Variants in JARID2 observed in about 807,000 individuals in gnomAD.
JARID2 encodes the protein jumonji and AT-rich interaction domain containing 2, also known as protein Jumonji.
In JARID2, 21 loss-of-function variants were observed where a neutral mutation model predicts 125.6. The observed-to-expected ratio is 0.17, with a 90% CI of 0.12 to 0.24. The LOEUF (loss-of-function observed/expected upper bound fraction) is 0.24. Ranked by LOEUF, JARID2 falls within the 10% of genes least tolerant of loss-of-function variation. The pLI is 1.00. For synonymous variants in JARID2, 736 were observed against 661.6 expected, an observed-to-expected ratio of 1.11 and a Z score of -1.73; for missense variants, 1,303 against 1,639.6, an observed-to-expected ratio of 0.79 and a Z score of 3.55.
In JARID2 at chr6:15,469,284, GTCTCTGTCTCTCTGTCTCTGTCTCTCTC is replaced by G. The variant is rs1561884330; in HGVS notation, c.670+580_670+607del. On this transcript the variant is annotated intron_variant, in intron 5 of 17. Coordinates refer to ENST00000341776, the MANE Select transcript of JARID2 (RefSeq NM_004973.4). Reference sequence around the variant, plus strand: ...TTTCTCTCTGTCTCTCTGTCTCTCTGTCTCTGTCTCTCTGTCTCTGTCTCTCTCTCTCTGTCTCTCTCTCTCTCTCTCC... The same window carrying G: ...TTTCTCTCTGTCTCTCTGTCTCTCTGTCTCTGTCTCTCTCTCTCTCTCTCC... 1.6e-4 allele frequency among the ~76,000 whole-genome samples: 12 copies of G among 74,956 alleles called. 1 individual carries two copies. Among genetic ancestry groups the G allele is most frequent in the South Asian group, 5.3e-4 (1 of 1,890 alleles). The allele number at this position is 74,956 out of a possible 152,430, so 49.2% of individuals were successfully genotyped here.
At chr6:15,478,327 C>T (rs923305464) in intron 5 of JARID2, among the ~76,000 whole-genome samples, 9 of 152,068 alleles carry the variant, frequency 5.9e-5, no homozygotes, top group African/African-American at 1.7e-4. Flanking sequence ...ATACCTGACT[C>T]GCAATGCTGC....
At chr6:15,512,166 G>A (rs569271678) in intron 13 of JARID2, 42 bp from the exon 14 acceptor site, 1 of 1,588,710 alleles carries the variant, frequency 6.3e-7, no homozygotes, top group South Asian at 1.1e-5. Context: ...AGGTGTCCCT[G>A]CGCACAGGGA....
intron 2 of JARID2, among the ~76,000 whole-genome samples, chr6:15,390,420 C>T (rs572037780): frequency 5.3e-5 from 8 of 152,264 alleles, no homozygotes; most frequent in South Asian, 2.1e-4. Flanking sequence ...GCTCTGTCCA[C>T]GTTGTGCAGC....
At chr6:15,350,186 G>A (rs1322202501) in intron 1 of JARID2, among the ~76,000 whole-genome samples, 1 of 152,164 alleles carries the variant, frequency 6.6e-6, no homozygotes, top group Non-Finnish European at 1.5e-5. Flanking sequence ...GCATACATCA[G>A]TAACGTCACA....
At chr6:15,493,977 C>CT (rs1278306828) in intron 6 of JARID2, among the ~76,000 whole-genome samples, 1 of 152,076 alleles carries the variant, frequency 6.6e-6, no homozygotes, top group Non-Finnish European at 1.5e-5. Context: ...GTCAGTCCCA[C>CT]TTTTTTTATG....
chr6:15,318,925 G>A (rs1200835595), intron 1 of JARID2, among the ~76,000 whole-genome samples: 1 of 152,208 alleles, frequency 6.6e-6, no homozygotes, highest in Non-Finnish European at 1.5e-5. Flanking sequence ...AATCCCAGTG[G>A]CAAAGAGCTC....
intron 4 of JARID2, among the ~76,000 whole-genome samples, chr6:15,465,913 C>T (rs578221456): frequency 6.6e-6 from 1 of 152,112 alleles, no homozygotes; most frequent in Non-Finnish European, 1.5e-5. Flanking sequence ...AAGTGATTCT[C>T]CTGTCTCAGC....
chr6:15,418,157 T>G (rs1766320106), intron 3 of JARID2, among the ~76,000 whole-genome samples: 1 of 151,836 alleles, frequency 6.6e-6, no homozygotes, highest in Non-Finnish European at 1.5e-5. Context: ...TGCTTCACCT[T>G]AGGGAGAGAC....
chr6:15,310,970 G>T (rs1399636852), intron 1 of JARID2, among the ~76,000 whole-genome samples: 2 of 152,154 alleles, frequency 1.3e-5, no homozygotes, highest in African/African-American at 4.8e-5. Flanking sequence ...CCCTGTGTGG[G>T]AATGGGAACC....
At chr6:15,470,467 G>A (rs1322121713) in intron 5 of JARID2, among the ~76,000 whole-genome samples, 1 of 152,234 alleles carries the variant, frequency 6.6e-6, no homozygotes, top group East Asian at 1.9e-4. Flanking sequence ...CTCAGGACAA[G>A]CATAGCTTAG....
At chr6:15,357,440 G>A (rs1373878738) in intron 1 of JARID2, among the ~76,000 whole-genome samples, 5 of 152,156 alleles carry the variant, frequency 3.3e-5, no homozygotes, top group Admixed American at 6.5e-5. Flanking sequence ...AACATTACAT[G>A]TCAGTGAACA....
chr6:15,469,360 T>TCC (rs1254478858), intron 5 of JARID2, among the ~76,000 whole-genome samples: 27 of 7,680 alleles, frequency 3.5e-3, no homozygotes, highest in Non-Finnish European at 6.1e-3. Flanking sequence ...TCTCTCTCTC[T>TCC]CCTCCCCTTC....
At chr6:15,510,571 C>T (rs1436527986) in intron 12 of JARID2, among the ~76,000 whole-genome samples, 1 of 152,240 alleles carries the variant, frequency 6.6e-6, no homozygotes, top group Non-Finnish European at 1.5e-5. Context: ...CCACCACTTC[C>T]CCAGGCCACC....
intron 1 of JARID2, among the ~76,000 whole-genome samples, chr6:15,346,790 C>T (rs952880803): frequency 3.3e-5 from 5 of 151,312 alleles, no homozygotes; most frequent in Admixed American, 6.6e-5. Flanking sequence ...GTCTGGAGCG[C>T]AGTGGTGTGA....
chr6:15,258,847 G>T (rs189423236), intron 1 of JARID2, among the ~76,000 whole-genome samples: 6 of 152,346 alleles, frequency 3.9e-5, no homozygotes, highest in Admixed American at 2.6e-4. Context: ...AAGTCTTACA[G>T]ATTCTTGTGG....
At chr6:15,246,665 C>T in intron 1 of JARID2, 81 bp downstream of exon 1, 1 of 1,252,026 alleles carries the variant, frequency 8.0e-7, no homozygotes, top group Non-Finnish European at 1.2e-6. Flanking sequence ...ATAATTCTGC[C>T]TCTGAAGGGT....
intron 2 of JARID2, among the ~76,000 whole-genome samples, chr6:15,378,296 T>G (rs534045024): frequency 6.6e-6 from 1 of 151,650 alleles, no homozygotes; most frequent in African/African-American, 2.4e-5. Flanking sequence ...GTCACAGAAA[T>G]TTGTCTGGTG....
chr6:15,451,450 T>C (rs1041707099), intron 3 of JARID2, among the ~76,000 whole-genome samples: 1 of 152,204 alleles, frequency 6.6e-6, no homozygotes, highest in African/African-American at 2.4e-5. Flanking sequence ...TTTTCTGTAG[T>C]ACAAACTTGA....
chr6:15,520,307 A>G lies in JARID2; in HGVS notation c.*56A>G. 2 of 1,321,022 alleles carry G rather than the reference A, an allele frequency of 1.5e-6. No homozygotes were observed. The highest frequency in any genetic ancestry group is 2.0e-6 in the Non-Finnish European group (2 of 984,134). The allele number at this position is 1,321,022 out of a possible 1,614,324, so 81.8% of individuals were successfully genotyped here. A position where few individuals can be genotyped will look rare whatever the true frequency, so the allele number is the denominator to read the frequency against. On this transcript the variant is annotated 3_prime_UTR_variant, in exon 18 of 18. Transcript: ENST00000341776. Reference sequence around the variant, plus strand: ...TATTTTTTTGTAATTATTATATTCTAGTTTGGAGTACTTGCTGTAGGATTC... The same window carrying G: ...TATTTTTTTGTAATTATTATATTCTGGTTTGGAGTACTTGCTGTAGGATTC...
Sources: allele counts gnomAD v4.1 joint callset (sites outside exome capture counted in the v4.1 genomes callset), GRCh38; gene constraint gnomAD v4.1.1; transcripts MANE v1.5; gene names NCBI Gene and HGNC (gene_info 2026-07-23, HGNC 2026-07-21).